Variants in IFT81 observed in about 807,000 individuals in gnomAD.
The protein encoded by IFT81 is intraflagellar transport protein 81 homolog.
IFT81 carries 72 observed loss-of-function variants against 102.6 expected under a neutral mutation model. The observed-to-expected ratio is 0.70, with a 90% CI of 0.58 to 0.85. The LOEUF is 0.85. Among genes scored for constraint, IFT81 ranks in the 40% least tolerant of loss-of-function variants. The pLI, the probability that IFT81 is intolerant of heterozygous loss-of-function variation, is 0.00. For synonymous variants in IFT81, 237 were observed against 242.7 expected (o/e 0.98, Z 0.22); for missense variants, 723 against 787.3 (o/e 0.92, Z 0.98).
chr12:110,139,336 C>CAAAAAAA (rs398044810), intron 8 of IFT81, among the ~76,000 whole-genome samples: 3 of 52,558 alleles, frequency 5.7e-5, no homozygotes, highest in African/African-American at 1.4e-4. Context: ...GACTCTGTCT[C>CAAAAAAA]AAAAAAAAAA....
At chr12:110,162,331 CTTTTTTTTTT>C (rs1160267123) in intron 10 of IFT81, 2 of 100,046 alleles carry the variant, frequency 2.0e-5, no homozygotes, top group South Asian at 2.9e-4. Flanking sequence ...TAATATTTTT[CTTTTTTTTTT>C]TTTTTTTTTT....
intron 11 of IFT81, among the ~76,000 whole-genome samples, chr12:110,174,661 T>C (rs368431651): frequency 1.3e-5 from 2 of 152,210 alleles, no homozygotes; most frequent in East Asian, 1.9e-4. Flanking sequence ...ATAATTCTTT[T>C]GAGTTCCTGA....
intron 11 of IFT81, chr12:110,169,150 T>A (rs1007299923): frequency 6.6e-6 from 1 of 151,662 alleles, no homozygotes; most frequent in Non-Finnish European, 1.5e-5. Flanking sequence ...TGTGCCTAGA[T>A]GATCAGCTCC....
At chr12:110,196,175 A>G (rs1897992442) in intron 14 of IFT81, among the ~76,000 whole-genome samples, 1 of 152,200 alleles carries the variant, frequency 6.6e-6, no homozygotes, top group South Asian at 2.1e-4. Flanking sequence ...TTGCACACTT[A>G]AAAAATGGTT....
chr12:110,192,317 C>T (rs757856937), intron 13 of IFT81, among the ~76,000 whole-genome samples: 1 of 152,080 alleles, frequency 6.6e-6, no homozygotes, highest in Non-Finnish European at 1.5e-5. Flanking sequence ...ATAAATAATA[C>T]ATCATGATTA....
rs574993800 is a variant in IFT81, at chr12:110,151,312, G to A, written c.1041+4264G>A. On this transcript the variant is annotated intron_variant, in intron 10 of 18. Transcript: ENST00000242591. The stretch of plus-strand genomic sequence containing the variant: ...TTGTCATTGGCTTCTTTCACTTAGC[G>A]TAACATTTTTAAAGTCCATCCATGT... Among the ~76,000 whole-genome samples, 64 of 152,188 alleles carry A rather than the reference G, an allele frequency of 4.2e-4. 2 individuals are homozygous for A. In the South Asian group the frequency reaches 0.011, roughly 26 times the overall value.
At chr12:110,130,367 T>TC (rs1344606937) in intron 4 of IFT81, among the ~76,000 whole-genome samples, 4 of 147,208 alleles carry the variant, frequency 2.7e-5, no homozygotes, top group Non-Finnish European at 6.0e-5. Flanking sequence ...GATTAAGTCT[T>TC]TTTTTTTTTT....
At chr12:110,178,258 A>G (rs1367023600) in intron 11 of IFT81, among the ~76,000 whole-genome samples, 1 of 152,052 alleles carries the variant, frequency 6.6e-6, no homozygotes, top group Admixed American at 6.6e-5. Flanking sequence ...TACTAAAAAT[A>G]CAAAAATTAG....
intron 8 of IFT81, among the ~76,000 whole-genome samples, chr12:110,142,764 A>G (rs1279841126): frequency 6.6e-6 from 1 of 152,006 alleles, no homozygotes. Flanking sequence ...GTGGTGATGT[A>G]CACCTGTGAT....
At chr12:110,145,781 A>G (rs546494566) in intron 9 of IFT81, among the ~76,000 whole-genome samples, 4 of 146,290 alleles carry the variant, frequency 2.7e-5, no homozygotes, top group African/African-American at 1.0e-4. Context: ...TAAATGTCCA[A>G]GTCAGATCTG....
At chr12:110,135,192 C>T (rs191928279) in intron 6 of IFT81, 135 bp from the exon 7 acceptor site, 3 of 714,434 alleles carry the variant, frequency 4.2e-6, no homozygotes, top group African/African-American at 3.6e-5. Context: ...GACCTGGAGC[C>T]TAGAGCTTTA....
At chr12:110,215,489 G>T (rs2137619368) in intron 18 of IFT81, among the ~76,000 whole-genome samples, 2 of 77,942 alleles carry the variant, frequency 2.6e-5, no homozygotes, top group Admixed American at 2.1e-4. Flanking sequence ...TTTTGAGACA[G>T]TCTCACTCGT....
chr12:110,182,276 G>T (rs1449564975), intron 12 of IFT81, among the ~76,000 whole-genome samples: 1 of 152,176 alleles, frequency 6.6e-6, no homozygotes, highest in African/African-American at 2.4e-5. Context: ...TAGGATTCTA[G>T]TTGGTCGCAA....
intron 15 of IFT81, 171 bp from the exon 16 acceptor site, chr12:110,205,272 G>C (rs1868467311): frequency 1.7e-6 from 1 of 605,608 alleles, no homozygotes; most frequent in Non-Finnish European, 2.7e-6. Context: ...AGAGTGATAT[G>C]TGTATTCTCT....
At chr12:110,213,405 G>C (rs1869715178) in intron 18 of IFT81, among the ~76,000 whole-genome samples, 1 of 152,160 alleles carries the variant, frequency 6.6e-6, no homozygotes, top group Non-Finnish European at 1.5e-5. Context: ...TTGTGAATTG[G>C]TAGTTAGATC....
At chr12:110,212,080 AT>A (rs1869520718) in intron 18 of IFT81, among the ~76,000 whole-genome samples, 1 of 152,054 alleles carries the variant, frequency 6.6e-6, no homozygotes, top group Admixed American at 6.5e-5. Context: ...TCTTATTTAC[AT>A]TTTCCTGGCT....
rs1172538324 is a variant in IFT81, at chr12:110,205,430, T to C, written c.1645-13T>C. ...TTTCGATAATGTCACCTATCTAAAA[T>C]TATATATTATAGGAAGTTAGAAGAC... On this transcript the variant is annotated splice_polypyrimidine_tract_variant and intron_variant, in intron 15 of 18. Transcript: ENST00000242591. 1 of 1,577,094 alleles carries C rather than the reference T, an allele frequency of 6.3e-7. No individual in the cohort carries two copies. Among genetic ancestry groups the C allele is most frequent in the South Asian group, 1.2e-5 (1 of 83,918 alleles).
In IFT81 at chr12:110,129,157, A is replaced by G. The variant is rs762833790; in HGVS notation, c.429+27A>G. On this transcript the variant is annotated intron_variant, in intron 4 of 18. Coordinates refer to ENST00000242591, the MANE Select transcript of IFT81 (RefSeq NM_014055.4). ...TAAACAATACATAAATGGTACATTG[A>G]AACTGTAATGGATTTCAAGGTGTAT... The G allele has an allele frequency of 8.0e-6, 12 of 1,496,646 alleles. No individual in the cohort carries two copies. The African/African-American group carries it at 1.6e-4, about 20-fold the overall frequency. 92.7% of individuals were successfully genotyped at this position (1,496,646 alleles called of 1,614,324 possible). A position where few individuals can be genotyped will look rare whatever the true frequency, so the allele number is the denominator to read the frequency against.
rs140977774 is a variant in IFT81 at position 110,202,254 on chromosome 12, G to A, written c.1558-1610G>A. 6.9e-3 allele frequency among the ~76,000 whole-genome samples: 1,055 copies of A among 152,236 alleles called. 1 individual carries two copies. The highest frequency in any genetic ancestry group is 9.5e-3 in the Non-Finnish European group (643 of 68,014). The stretch of plus-strand genomic sequence containing the variant: ...GGGACTGCCATCATATATGTGGTCC[G>A]TTGTGACTGAAACATCATCCCATGC... On this transcript the variant is annotated intron_variant, in intron 14 of 18. Transcript: ENST00000242591.
Sources: allele counts gnomAD v4.1 joint callset (sites outside exome capture counted in the v4.1 genomes callset), GRCh38; gene constraint gnomAD v4.1.1; transcripts MANE v1.5; gene names NCBI Gene and HGNC (gene_info 2026-07-23, HGNC 2026-07-21).